PWWP3B: variants seen among roughly 807,000 people sequenced by gnomAD.
PWWP3B encodes PWWP domain containing 3B.
In PWWP3B, 5 loss-of-function variants were observed where a neutral mutation model predicts 15.7. That is an observed-to-expected ratio of 0.32 (90% CI 0.17 to 0.67). The LOEUF is 0.67. Among genes scored for constraint, PWWP3B ranks in the 30% least tolerant of loss-of-function variants. The probability of loss-of-function intolerance (pLI) is 0.74; values close to 1 mark genes in which losing one functional copy is unlikely to be tolerated. For synonymous variants in PWWP3B, 203 were observed against 179.8 expected, an observed-to-expected ratio of 1.13 and a Z score of -1.03; for missense variants, 519 against 493.1, an observed-to-expected ratio of 1.05 and a Z score of -0.50.
chrX:106,195,335 A>G (rs1356651740), intron 2 of PWWP3B, among the ~76,000 whole-genome samples: 5 of 111,669 alleles, frequency 4.5e-5, no homozygotes, highest in Non-Finnish European at 7.5e-5. Context: ...TTATTTTTTG[A>G]AAAGAACTTG....
intron 2 of PWWP3B, among the ~76,000 whole-genome samples, chrX:106,198,149 A>C (rs772589447): frequency 1.2e-4 from 13 of 111,392 alleles, no homozygotes; most frequent in African/African-American, 3.9e-4. Context: ...CATTTTTTGT[A>C]TACGGTTCTC....
chrX:106,201,429 T>A (rs765277035), intron 2 of PWWP3B, among the ~76,000 whole-genome samples: 79 of 112,560 alleles, frequency 7.0e-4, no homozygotes, highest in Middle Eastern at 9.3e-3. Flanking sequence ...AAGAAAAAAA[T>A]ATGTAAGGAA....
chrX:106,178,527 G>A (rs1033187195), intron 2 of PWWP3B, among the ~76,000 whole-genome samples: 1 of 111,789 alleles, frequency 8.9e-6, no homozygotes, highest in African/African-American at 3.2e-5. Context: ...GAAGAGATAG[G>A]GCAGGCTTTA....
At position 106,205,452 on chromosome X, in the gene PWWP3B, T is replaced by C; in HGVS notation, c.20T>C (p.Leu7Pro). The change falls in exon 4 of 4, where the codon CTA becomes CCA. Residue 7 changes from leucine (L) to proline (P), a missense_variant. Physicochemically the swap from Leu to Pro is moderately conservative, Grantham distance 98. Transcript: ENST00000357175. MESEYV[L>P]CNWKDQLWPA... is the part of the protein sequence containing the mutation. Reference sequence around the variant, plus strand: ...ACCATAATGGAGTCTGAGTATGTCCTATGCAACTGGAAAGACCAGTTGTGG... The same window carrying C: ...ACCATAATGGAGTCTGAGTATGTCCCATGCAACTGGAAAGACCAGTTGTGG... 8.5e-7 allele frequency: 1 copy of C among 1,172,472 alleles called. No homozygotes were observed. The highest frequency in any genetic ancestry group is 1.1e-6 in the Non-Finnish European group (1 of 877,019).
At chrX:106,175,135 C>A (rs981835110) in intron 2 of PWWP3B, among the ~76,000 whole-genome samples, 9 of 108,802 alleles carry the variant, frequency 8.3e-5, no homozygotes, top group Non-Finnish European at 1.1e-4. Flanking sequence ...AGAAAGAAGT[C>A]AAGGATAGTA....
Position 106,207,313 on chromosome X carries a change from G to C in PWWP3B, c.1881G>C (p.Trp627Cys). 2 of 1,202,110 alleles carry C rather than the reference G, an allele frequency of 1.7e-6. No homozygotes were observed. Among genetic ancestry groups the C allele is most frequent in the Non-Finnish European group, 2.2e-6 (2 of 890,289 alleles). Residue 627 changes from tryptophan to cysteine, a missense_variant, in exon 4 of 4, where the codon TGG becomes TGC. Transcript: ENST00000357175. ...AAATAGATCAAATAATGCCAACTTG[G>C]ATAAAAGATGATAAAATTAAATTTA... Reference protein sequence around the residue: ...CNQIDQIMPTWIKDDKIKFIL... With the variant: ...CNQIDQIMPTCIKDDKIKFIL...
intron 2 of PWWP3B, among the ~76,000 whole-genome samples, chrX:106,187,287 G>T (rs772128080): frequency 8.9e-6 from 1 of 112,165 alleles, no homozygotes; most frequent in Non-Finnish European, 1.9e-5. Context: ...TAATGATGGG[G>T]TTGTGAGGTC....
chrX:106,189,941 CATT>C (rs1308153713), intron 2 of PWWP3B, among the ~76,000 whole-genome samples: 2 of 112,706 alleles, frequency 1.8e-5, no homozygotes, highest in East Asian at 5.6e-4. Context: ...TCCAGTCTAT[CATT>C]GTTGGACATT....
rs915011091 is a variant in PWWP3B at position 106,208,018 on chromosome X, A to T, written c.*495A>T. 1.6e-5 allele frequency: 2 copies of T among 123,872 alleles called. No individual in the cohort carries two copies. Among genetic ancestry groups the T allele is most frequent in the African/African-American group, 6.5e-5 (2 of 30,925 alleles). The allele number at this position is 123,872 out of a possible 1,213,427, so 10.2% of individuals were successfully genotyped here. On this transcript the variant is annotated 3_prime_UTR_variant, in exon 4 of 4. Coordinates refer to ENST00000357175, the MANE Select transcript of PWWP3B (RefSeq NM_001171020.2). The stretch of plus-strand genomic sequence containing the variant: ...AGTATTTTTCTTGCCATGCCTATTT[A>T]TTTTTGCAAAAAAATTATCTGCTAT...
intron 2 of PWWP3B, among the ~76,000 whole-genome samples, chrX:106,194,993 C>A (rs1923289799): frequency 9.0e-6 from 1 of 111,549 alleles, no homozygotes; most frequent in African/African-American, 3.3e-5. Context: ...GGGTCAGGGA[C>A]CCACTTGAGG....
intron 1 of PWWP3B, among the ~76,000 whole-genome samples, chrX:106,169,653 T>A (rs370572497): frequency 8.9e-6 from 1 of 111,944 alleles, no homozygotes; most frequent in African/African-American, 3.2e-5. Context: ...AACATATTTA[T>A]CTTTATACTC....
chrX:106,192,335 G>T (rs1488597022), intron 2 of PWWP3B, among the ~76,000 whole-genome samples: 1 of 111,855 alleles, frequency 8.9e-6, no homozygotes, highest in East Asian at 2.8e-4. Context: ...GCATAGAGGT[G>T]TTTATAGTAT....
intron 2 of PWWP3B, among the ~76,000 whole-genome samples, chrX:106,203,245 C>T (rs1208473921): frequency 8.9e-6 from 1 of 111,807 alleles, no homozygotes; most frequent in Non-Finnish European, 1.9e-5. Flanking sequence ...TTTACATATA[C>T]CTTTTTGCAT....
chrX:106,205,862 T>G lies in PWWP3B; in HGVS notation c.430T>G (p.Cys144Gly). 1.7e-6 allele frequency: 2 copies of G among 1,210,881 alleles called. No homozygotes were observed. Among genetic ancestry groups the G allele is most frequent in the Non-Finnish European group, 2.2e-6 (2 of 895,197 alleles). Reference sequence around the variant, plus strand: ...GAAGGATGAAGGTGACTTACCAGGGTGTCTTGAGGAAAGGGAAAACTCAGC... The same window carrying G: ...GAAGGATGAAGGTGACTTACCAGGGGGTCTTGAGGAAAGGGAAAACTCAGC... ...YRKDEGDLPG[C>G]LEERENSACL... Residue 144 changes from cysteine to glycine, a missense_variant, in exon 4 of 4, where the codon TGT becomes GGT. Transcript: ENST00000357175.
At chrX:106,169,839 T>C (rs1921518270) in intron 1 of PWWP3B, among the ~76,000 whole-genome samples, 1 of 112,185 alleles carries the variant, frequency 8.9e-6, no homozygotes, top group African/African-American at 3.2e-5. Context: ...GAATGGCCTG[T>C]ATCATGTAAT....
chrX:106,186,423 C>T (rs945022681), intron 2 of PWWP3B, among the ~76,000 whole-genome samples: 9 of 111,566 alleles, frequency 8.1e-5, no homozygotes, highest in South Asian at 3.8e-4. Context: ...CCGGCAGCCA[C>T]GCTAGTTGCT....
intron 2 of PWWP3B, among the ~76,000 whole-genome samples, chrX:106,196,083 A>C (rs1358611614): frequency 3.6e-5 from 4 of 111,842 alleles, no homozygotes; most frequent in Non-Finnish European, 7.5e-5. Flanking sequence ...TTGAAATTCC[A>C]AATTTTATTG....
chrX:106,180,600 G>T, intron 2 of PWWP3B, among the ~76,000 whole-genome samples: 1 of 111,815 alleles, frequency 8.9e-6, no homozygotes, highest in East Asian at 2.8e-4. Flanking sequence ...TACAGAAGAA[G>T]AAAACTCTTT....
intron 2 of PWWP3B, among the ~76,000 whole-genome samples, chrX:106,199,911 A>G (rs779609495): frequency 1.0e-3 from 113 of 111,721 alleles, no homozygotes; most frequent in Admixed American, 1.5e-3. Context: ...AAAAAATTAA[A>G]CCAGTAACAG....
Sources: gnomAD v4.1 joint callset for allele counts (sites outside exome capture counted in the v4.1 genomes callset) on GRCh38, gnomAD v4.1.1 for gene constraint, MANE v1.5 for transcripts, NCBI Gene and HGNC (gene_info 2026-07-23, HGNC 2026-07-21) for gene names.